CRACDL: variants seen among roughly 807,000 people sequenced by gnomAD.
CRACDL encodes the protein CRACD like.
Under a neutral mutation model 70.6 loss-of-function variants are expected in CRACDL, and 26 were observed. That is an observed-to-expected ratio of 0.37 (90% CI 0.27 to 0.51). CRACDL has a LOEUF of 0.51. Among genes scored for constraint, CRACDL ranks in the 20% least tolerant of loss-of-function variants. CRACDL has a pLI of 0.94. For synonymous variants in CRACDL, 618 were observed against 615.2 expected, an observed-to-expected ratio of 1.00 and a Z score of -0.07; for missense variants, 1,283 against 1,376.9, an observed-to-expected ratio of 0.93 and a Z score of 1.08.
intron 7 of CRACDL, among the ~76,000 whole-genome samples, chr2:98,801,174 C>T (rs1397466243): frequency 1.3e-5 from 2 of 152,118 alleles, no homozygotes; most frequent in African/African-American, 4.8e-5. Context: ...CACCTTTTTC[C>T]TTGTCAGGAA....
intron 1 of CRACDL, among the ~76,000 whole-genome samples, chr2:98,931,324 C>CAAAAAA (rs530900049): frequency 2.1e-5 from 2 of 96,248 alleles, no homozygotes; most frequent in African/African-American, 7.5e-5. Context: ...GACTCCATCT[C>CAAAAAA]AAAAAAAAAA....
At chr2:98,911,735 C>T (rs1296544165) in intron 1 of CRACDL, among the ~76,000 whole-genome samples, 3 of 152,160 alleles carry the variant, frequency 2.0e-5, no homozygotes, top group Non-Finnish European at 2.9e-5. Flanking sequence ...AACCATCTGG[C>T]TTAGCCTCCA....
chr2:98,848,175 C>T (rs1241486784), intron 1 of CRACDL, among the ~76,000 whole-genome samples: 3 of 152,198 alleles, frequency 2.0e-5, no homozygotes. Context: ...CAAAGGACAT[C>T]CTTGCTTTCA....
intron 1 of CRACDL, among the ~76,000 whole-genome samples, chr2:98,901,696 G>A (rs961470905): frequency 2.0e-5 from 3 of 152,214 alleles, no homozygotes; most frequent in Non-Finnish European, 4.4e-5. Context: ...TATACTCTGG[G>A]ATAGGGCCTC....
intron 1 of CRACDL, among the ~76,000 whole-genome samples, chr2:98,873,412 G>A (rs1707402359): frequency 1.3e-5 from 2 of 152,226 alleles, no homozygotes; most frequent in African/African-American, 4.8e-5. Context: ...CCAGAACACA[G>A]CTTCCCTTCT....
At chr2:98,814,682 T>TTGA (rs1289163165) in intron 7 of CRACDL, among the ~76,000 whole-genome samples, 2 of 152,060 alleles carry the variant, frequency 1.3e-5, no homozygotes, top group Non-Finnish European at 2.9e-5. Flanking sequence ...GTCAAGTTGG[T>TTGA]TGATGATGAT....
intron 1 of CRACDL, among the ~76,000 whole-genome samples, chr2:98,927,914 C>A (rs1054626385): frequency 1.3e-5 from 2 of 151,510 alleles, no homozygotes; most frequent in African/African-American, 4.9e-5. Flanking sequence ...GGTGCAGTGG[C>A]TCATGCCTGT....
At chr2:98,933,359 G>A (rs565290961) in intron 1 of CRACDL, among the ~76,000 whole-genome samples, 4 of 152,302 alleles carry the variant, frequency 2.6e-5, no homozygotes, top group African/African-American at 7.2e-5. Context: ...GAGGAGTAAC[G>A]TGGAAAGACT....
chr2:98,814,709 C>T (rs1447355098), intron 7 of CRACDL, among the ~76,000 whole-genome samples: 1 of 151,994 alleles, frequency 6.6e-6, no homozygotes, highest in East Asian at 1.9e-4. Flanking sequence ...CCAACTTGAC[C>T]TAATTGAAAT....
chr2:98,890,929 C>T (rs1707951232), intron 1 of CRACDL, among the ~76,000 whole-genome samples: 1 of 151,984 alleles, frequency 6.6e-6, no homozygotes, highest in South Asian at 2.1e-4. Context: ...TGGTGGTGGG[C>T]ACCTGTAATC....
At chr2:98,857,947 G>A (rs1336992906) in intron 1 of CRACDL, among the ~76,000 whole-genome samples, 1 of 152,194 alleles carries the variant, frequency 6.6e-6, no homozygotes, top group South Asian at 2.1e-4. Context: ...ATATTTAAAG[G>A]AATTTAGTTC....
chr2:98,846,675 C>G, intron 2 of CRACDL, 56 bp downstream of exon 2: 1 of 1,457,994 alleles, frequency 6.9e-7, no homozygotes, highest in Non-Finnish European at 9.6e-7. Context: ...CAGTCCCTCT[C>G]CCTGCCCCAC....
intron 1 of CRACDL, among the ~76,000 whole-genome samples, chr2:98,899,567 C>T (rs1441001195): frequency 6.6e-6 from 1 of 152,152 alleles, no homozygotes; most frequent in African/African-American, 2.4e-5. Flanking sequence ...GGGGAGTGCC[C>T]TAGCAGGGGG....
intron 1 of CRACDL, among the ~76,000 whole-genome samples, chr2:98,904,784 G>A (rs1211723563): frequency 2.6e-5 from 4 of 152,192 alleles, no homozygotes; most frequent in African/African-American, 9.6e-5. Context: ...GGTTATACCT[G>A]CTGATATAGT....
intron 1 of CRACDL, among the ~76,000 whole-genome samples, chr2:98,857,940 T>G (rs980676972): frequency 2.0e-5 from 3 of 152,144 alleles, no homozygotes; most frequent in African/African-American, 7.2e-5. Flanking sequence ...ACAAAATATA[T>G]TTAAAGGAAT....
rs1331058474 is a variant in CRACDL, at chr2:98,913,691, T to C, written c.-11+22247A>G. ...CTGAGGAGTCACGGAAAGCATGGTC[T>C]TCGGGAGCAGAAAGCCCTAGCAAAT... On this transcript the variant is annotated intron_variant, in intron 1 of 9. Coordinates refer to ENST00000397899, the MANE Select transcript of CRACDL (RefSeq NM_207362.3). 7.9e-5 allele frequency among the ~76,000 whole-genome samples: 12 copies of C among 152,292 alleles called. No individual in the cohort carries two copies. In the South Asian group the frequency reaches 1.9e-3, roughly 24 times the overall value.
At chr2:98,819,154 C>T (rs1382336700) in intron 7 of CRACDL, among the ~76,000 whole-genome samples, 2 of 152,114 alleles carry the variant, frequency 1.3e-5, no homozygotes, top group Admixed American at 6.5e-5. Flanking sequence ...GAAAAATACA[C>T]AAAGTATTTA....
chr2:98,867,701 A>G lies in CRACDL; in HGVS notation c.-10-20891T>C, dbSNP rs993114015. 3.3e-5 allele frequency among the ~76,000 whole-genome samples: 5 copies of G among 152,184 alleles called. No individual in the cohort carries two copies. In the East Asian group the frequency reaches 7.7e-4, roughly 23 times the overall value. Reference sequence around the variant, plus strand: ...GGAGTGTCTTGCAAAGAGGCCATCTAACTTGGCAACGTTCAGTCTCTGAGT... The same window carrying G: ...GGAGTGTCTTGCAAAGAGGCCATCTGACTTGGCAACGTTCAGTCTCTGAGT... On this transcript the variant is annotated intron_variant, in intron 1 of 9. Coordinates refer to ENST00000397899, the MANE Select transcript of CRACDL (RefSeq NM_207362.3).
intron 1 of CRACDL, among the ~76,000 whole-genome samples, chr2:98,850,195 C>T (rs898991874): frequency 2.5e-4 from 38 of 152,370 alleles, no homozygotes; most frequent in African/African-American, 8.9e-4. Context: ...CTGATCCCCA[C>T]CGCCCAATGG....
Sources: gnomAD v4.1 joint callset for allele counts (sites outside exome capture counted in the v4.1 genomes callset) on GRCh38, gnomAD v4.1.1 for gene constraint, MANE v1.5 for transcripts, NCBI Gene and HGNC (gene_info 2026-07-23, HGNC 2026-07-21) for gene names.